The following DGKI variants were observed in gnomAD, a reference collection of about 807,000 sequenced individuals.
The protein encoded by DGKI is DAG kinase iota.
In DGKI, 55 loss-of-function variants were observed where a neutral mutation model predicts 147.5. The ratio of observed to expected loss-of-function variants is 0.37; its 90% CI spans 0.30 to 0.47. The LOEUF (loss-of-function observed/expected upper bound fraction) is 0.47, where lower values mean the gene tolerates loss of function less well. Ranked by LOEUF, DGKI falls within the 20% of genes least tolerant of loss-of-function variation. The pLI is 1.00. For synonymous variants in DGKI, 469 were observed against 477.1 expected, an observed-to-expected ratio of 0.98 and a Z score of 0.22; for missense variants, 1,007 against 1,323.8, an observed-to-expected ratio of 0.76 and a Z score of 3.71.
At chr7:137,511,696 CA>C (rs1319250391) in intron 21 of DGKI, among the ~76,000 whole-genome samples, 3 of 152,108 alleles carry the variant, frequency 2.0e-5, no homozygotes, top group Non-Finnish European at 4.4e-5. Flanking sequence ...GGCCTTAGTT[CA>C]AAAATCAGGT....
intron 30 of DGKI, among the ~76,000 whole-genome samples, chr7:137,398,023 G>C (rs950762591): frequency 6.6e-6 from 1 of 152,120 alleles, no homozygotes; most frequent in East Asian, 1.9e-4. Context: ...ACACTGCTTG[G>C]AATGTCTTCC....
rs1042807030 is a variant in DGKI at position 137,569,598 on chromosome 7, G to A, written c.1947+1577C>T. Among the ~76,000 whole-genome samples, 11 of 150,930 alleles carry A rather than the reference G, an allele frequency of 7.3e-5. 1 individual carries two copies. The South Asian group carries it at 1.1e-3, about 14-fold the overall frequency. On this transcript the variant is annotated intron_variant, in intron 19 of 32. Transcript: ENST00000614521. Reference sequence around the variant, plus strand: ...AAAAAAATTAGCCGGGCGTGGTGGTGGGCGCCTGTAGTCCCAGCTACTCGG... The same window carrying A: ...AAAAAAATTAGCCGGGCGTGGTGGTAGGCGCCTGTAGTCCCAGCTACTCGG...
chr7:137,728,534 G>T (rs1452492441), intron 1 of DGKI, among the ~76,000 whole-genome samples: 1 of 152,148 alleles, frequency 6.6e-6, no homozygotes, highest in Non-Finnish European at 1.5e-5. Flanking sequence ...GGGAAAAGAT[G>T]AAGGAAAGCT....
intron 28 of DGKI, among the ~76,000 whole-genome samples, chr7:137,426,210 A>T (rs533678414): frequency 5.9e-4 from 90 of 152,252 alleles, no homozygotes; most frequent in Middle Eastern, 6.8e-3. Flanking sequence ...CTGGGCAGAA[A>T]CTCTACAAGC....
intron 21 of DGKI, among the ~76,000 whole-genome samples, chr7:137,494,129 A>G (rs1333231727): frequency 6.6e-6 from 1 of 152,198 alleles, no homozygotes; most frequent in African/African-American, 2.4e-5. Flanking sequence ...GCAAAAAAAA[A>G]TGAAGAAGAA....
At chr7:137,788,818 T>TA in intron 1 of DGKI, among the ~76,000 whole-genome samples, 1 of 152,290 alleles carries the variant, frequency 6.6e-6, no homozygotes, top group East Asian at 1.9e-4. Context: ...TGCCCCTGTG[T>TA]AAGCATTTAT....
chr7:137,444,027 G>A (rs1813614706), intron 28 of DGKI, 50 bp downstream of exon 28: 1 of 1,485,820 alleles, frequency 6.7e-7, no homozygotes, highest in South Asian at 1.3e-5. Context: ...CAAAGACCAG[G>A]GGTCAAGTTT....
intron 24 of DGKI, 23 bp downstream of exon 24, chr7:137,469,527 C>A: frequency 6.2e-7 from 1 of 1,613,144 alleles, no homozygotes. Flanking sequence ...TCCCACGATA[C>A]CCGCAAGAAA....
At chr7:137,810,808 C>A (rs974939757) in intron 1 of DGKI, among the ~76,000 whole-genome samples, 6 of 151,804 alleles carry the variant, frequency 4.0e-5, no homozygotes, top group Admixed American at 2.0e-4. Context: ...ATACACATCA[C>A]TTCCAATCAC....
chr7:137,700,082 G>A (rs1246435663), intron 1 of DGKI, among the ~76,000 whole-genome samples: 2 of 152,168 alleles, frequency 1.3e-5, no homozygotes, highest in Non-Finnish European at 2.9e-5. Flanking sequence ...TACCTACTTC[G>A]ATGTCAGGCC....
chr7:137,659,850 G>A (rs1166392373), intron 3 of DGKI, among the ~76,000 whole-genome samples: 2 of 152,068 alleles, frequency 1.3e-5, no homozygotes, highest in Non-Finnish European at 2.9e-5. Context: ...GGAGAACGGC[G>A]TGAACCCGGG....
At chr7:137,638,240 C>T (rs575162926) in intron 6 of DGKI, among the ~76,000 whole-genome samples, 1 of 151,746 alleles carries the variant, frequency 6.6e-6, no homozygotes, top group Non-Finnish European at 1.5e-5. Flanking sequence ...GCTCTCTGGA[C>T]CTTTCTGTCC....
At chr7:137,500,245 T>G (rs947599301) in intron 21 of DGKI, among the ~76,000 whole-genome samples, 4 of 152,192 alleles carry the variant, frequency 2.6e-5, no homozygotes, top group Admixed American at 6.6e-5. Context: ...ATTAACCCTC[T>G]TTCCCTATTT....
At chr7:137,453,632 G>A (rs1195362684) in intron 27 of DGKI, among the ~76,000 whole-genome samples, 1 of 152,144 alleles carries the variant, frequency 6.6e-6, no homozygotes, top group Non-Finnish European at 1.5e-5. Flanking sequence ...TATTCAAGTG[G>A]TCACAAACCC....
At chr7:137,407,454 G>C (rs1811999429) in intron 30 of DGKI, among the ~76,000 whole-genome samples, 1 of 152,054 alleles carries the variant, frequency 6.6e-6, no homozygotes, top group Non-Finnish European at 1.5e-5. Flanking sequence ...TGAGAAACTG[G>C]AAAGATGCAA....
intron 7 of DGKI, 45 bp downstream of exon 7, chr7:137,623,438 C>A: frequency 1.3e-6 from 2 of 1,562,132 alleles, no homozygotes; most frequent in Non-Finnish European, 1.8e-6. Flanking sequence ...AAGTGTATTT[C>A]GACAAAACAT....
In DGKI at chr7:137,559,265, G is replaced by T. The variant is rs1315869337; in HGVS notation, c.1948-6697C>A. ...TTTTTGTATTTTTAGTAGAGACGGGGTTTCACCGTTATAGCCGGGATGGTC... is the reference window on the plus strand; with the variant it reads ...TTTTTGTATTTTTAGTAGAGACGGGTTTTCACCGTTATAGCCGGGATGGTC... On this transcript the variant is annotated intron_variant, in intron 19 of 32. Transcript: ENST00000614521. Among the ~76,000 whole-genome samples, 5 of 150,730 alleles carry T rather than the reference G, an allele frequency of 3.3e-5. No homozygotes were observed. In the East Asian group the frequency reaches 6.0e-4, roughly 18 times the overall value.
chr7:137,578,292 C>T lies in DGKI; in HGVS notation c.1676G>A (p.Arg559Gln). ...TACCCCTGCATAGAACATTTTATTTCGAAAACGACTGTTGAATTTCTCTGG... is the reference window on the plus strand; with the variant it reads ...TACCCCTGCATAGAACATTTTATTTTGAAAACGACTGTTGAATTTCTCTGG... ...ANPEKFNSRF[R>Q]NKMFYAGAAF... The change falls in exon 16 of 33, where the codon CGA (arginine) becomes CAA (glutamine). Residue 559 changes from arginine (R) to glutamine (Q), a missense_variant. Arg to Gln is a conservative substitution (Grantham distance 43, BLOSUM62 1). This residue lies in a region of DGKI where 224 missense variants were observed against 382.7 expected (regional missense o/e 0.59). Transcript: ENST00000614521. 4 of 1,613,010 alleles carry T rather than the reference C, an allele frequency of 2.5e-6. No individual in the cohort carries two copies. Among genetic ancestry groups the T allele is most frequent in the Non-Finnish European group, 2.5e-6 (3 of 1,179,132 alleles).
chr7:137,619,052 T>C (rs1246303897), intron 8 of DGKI, among the ~76,000 whole-genome samples: 1 of 152,188 alleles, frequency 6.6e-6, no homozygotes, highest in East Asian at 1.9e-4. Flanking sequence ...GGTATTGCAT[T>C]TGATAAGTCT....
Sources: allele counts gnomAD v4.1 joint callset (sites outside exome capture counted in the v4.1 genomes callset), GRCh38; gene constraint gnomAD v4.1.1; regional missense constraint gnomAD v4.1.1; transcripts MANE v1.5; gene names NCBI Gene and HGNC (gene_info 2026-07-23, HGNC 2026-07-21).